DMD: variants seen among roughly 807,000 people sequenced by gnomAD.
The protein encoded by DMD is dystrophin.
Under a neutral mutation model 330.1 loss-of-function variants are expected in DMD, and 63 were observed. That is an observed-to-expected ratio of 0.19 (90% CI 0.16 to 0.24). The LOEUF (loss-of-function observed/expected upper bound fraction) is 0.24, where lower values mean the gene tolerates loss of function less well. Among genes scored for constraint, DMD ranks in the 10% least tolerant of loss-of-function variants. DMD has a pLI of 1.00. For missense variants in DMD, 3,344 were observed against 2,684.1 expected (o/e 1.25, Z -5.43); for synonymous variants, 1,223 against 959.8 (o/e 1.27, Z -5.07).
chrX:31,391,345 G>C (rs1183438219), intron 60 of DMD, among the ~76,000 whole-genome samples: 1 of 109,544 alleles, frequency 9.1e-6, no homozygotes, highest in East Asian at 2.9e-4. Context: ...GACCTCAAGT[G>C]ATCCGCCCGC....
chrX:33,021,269 A>G (rs2147766270), intron 1 of DMD, among the ~76,000 whole-genome samples: 1 of 111,218 alleles, frequency 9.0e-6, no homozygotes, highest in African/African-American at 3.3e-5. Flanking sequence ...GCTTCTACAA[A>G]TGATCTTTTT....
chrX:32,728,895 G>A (rs867908348), intron 7 of DMD, among the ~76,000 whole-genome samples: 1 of 111,435 alleles, frequency 9.0e-6, no homozygotes, highest in Non-Finnish European at 1.9e-5. Context: ...TTTCCATCTT[G>A]CCATGCCAAA....
chrX:32,260,734 A>G (rs1006034832), intron 43 of DMD, among the ~76,000 whole-genome samples: 1 of 111,781 alleles, frequency 8.9e-6, no homozygotes, highest in African/African-American at 3.3e-5. Flanking sequence ...ACTATACATT[A>G]TCCCTCCAGT....
intron 2 of DMD, among the ~76,000 whole-genome samples, chrX:33,005,474 C>A (rs1007828175): frequency 9.3e-6 from 1 of 107,868 alleles, no homozygotes; most frequent in Non-Finnish European, 1.9e-5. Flanking sequence ...AACAGTTCCT[C>A]AAAATAAAGC....
At chrX:31,744,585 A>T (rs1392012130) in intron 51 of DMD, among the ~76,000 whole-genome samples, 1 of 112,396 alleles carries the variant, frequency 8.9e-6, no homozygotes, top group Non-Finnish European at 1.9e-5. Context: ...CCCTATTCAG[A>T]GGAATCTATA....
chrX:31,486,297 T>C (rs921271250), intron 57 of DMD, among the ~76,000 whole-genome samples: 19 of 112,283 alleles, frequency 1.7e-4, no homozygotes, highest in African/African-American at 5.8e-4. Flanking sequence ...CTAGAGTGTG[T>C]TATATGAAGG....
intron 67 of DMD, among the ~76,000 whole-genome samples, chrX:31,190,586 T>G (rs1176114595): frequency 1.5e-3 from 2 of 1,371 alleles, no homozygotes; most frequent in East Asian, 0.031. Flanking sequence ...TTGTCACAAC[T>G]GGGCGGGGGG....
intron 44 of DMD, among the ~76,000 whole-genome samples, chrX:32,033,477 T>C (rs771946552): frequency 6.4e-5 from 7 of 109,437 alleles, no homozygotes; most frequent in African/African-American, 2.3e-4. Context: ...GCTGCCTCAT[T>C]CCAGTACAAA....
At chrX:31,201,118 G>C (rs1439995242) in intron 67 of DMD, among the ~76,000 whole-genome samples, 1 of 108,519 alleles carries the variant, frequency 9.2e-6, no homozygotes, top group Non-Finnish European at 1.9e-5. Context: ...TTGAGCCCAA[G>C]AGCTCGAGAC....
chrX:32,794,830 C>A (rs1365627048), intron 7 of DMD, among the ~76,000 whole-genome samples: 3 of 111,518 alleles, frequency 2.7e-5, no homozygotes, highest in Non-Finnish European at 5.6e-5. Context: ...TTGCAGGATA[C>A]AAAAATCAAC....
intron 44 of DMD, among the ~76,000 whole-genome samples, chrX:32,011,374 C>A (rs1018572498): frequency 9.0e-5 from 10 of 111,398 alleles, no homozygotes; most frequent in Non-Finnish European, 1.7e-4. Flanking sequence ...CCTCCTGCCT[C>A]ACACAGGTCA....
chrX:31,701,615 A>G (rs1482512897), intron 52 of DMD, among the ~76,000 whole-genome samples: 5 of 111,868 alleles, frequency 4.5e-5, no homozygotes, highest in Non-Finnish European at 9.4e-5. Flanking sequence ...TTAAGAAGAA[A>G]ACAACCAAAA....
intron 54 of DMD, among the ~76,000 whole-genome samples, chrX:31,646,434 C>T (rs1447600611): frequency 9.0e-6 from 1 of 111,566 alleles, no homozygotes; most frequent in Non-Finnish European, 1.9e-5. Context: ...TTAAAAGTTC[C>T]CCAAGTCCCA....
At chrX:31,176,621 A>T (rs756243268) in intron 71 of DMD, among the ~76,000 whole-genome samples, 2 of 111,507 alleles carry the variant, frequency 1.8e-5, no homozygotes, top group Admixed American at 1.9e-4. Flanking sequence ...ACTGTAGTGT[A>T]TCAACTCTTT....
chrX:32,615,983 G>C (rs1328090749), intron 11 of DMD, among the ~76,000 whole-genome samples: 2 of 110,880 alleles, frequency 1.8e-5, no homozygotes, highest in Non-Finnish European at 3.8e-5. Flanking sequence ...TTTTGGCTAT[G>C]ACAGTTTCTC....
intron 60 of DMD, 56 bp from the exon 61 acceptor site, chrX:31,348,690 T>G: frequency 1.0e-6 from 1 of 983,128 alleles, no homozygotes; most frequent in Admixed American, 2.4e-5. Context: ...GAGGAACAAT[T>G]AAAACAATGT....
At chrX:32,139,995 A>G (rs1212238622) in intron 44 of DMD, among the ~76,000 whole-genome samples, 1 of 112,286 alleles carries the variant, frequency 8.9e-6, no homozygotes, top group Non-Finnish European at 1.9e-5. Flanking sequence ...CACAAAGCTG[A>G]AGAAGGTGTG....
At chrX:31,955,249 G>C (rs2095233882) in intron 45 of DMD, among the ~76,000 whole-genome samples, 1 of 111,885 alleles carries the variant, frequency 8.9e-6, no homozygotes, top group African/African-American at 3.2e-5. Flanking sequence ...ACATATCTGA[G>C]AAGACACAGG....
At chrX:32,512,174 G>A (rs953069672) in intron 18 of DMD, among the ~76,000 whole-genome samples, 2 of 112,196 alleles carry the variant, frequency 1.8e-5, no homozygotes, top group East Asian at 5.6e-4. Flanking sequence ...TCCTCAATAA[G>A]TTGATTAAAA....
Sources: allele counts gnomAD v4.1 joint callset (sites outside exome capture counted in the v4.1 genomes callset), GRCh38; gene constraint gnomAD v4.1.1; transcripts MANE v1.5; gene names NCBI Gene and HGNC (gene_info 2026-07-23, HGNC 2026-07-21).